POLQ: variants seen among roughly 807,000 people sequenced by gnomAD.
The protein encoded by POLQ is DNA polymerase theta, also known as epididymis secretory sperm binding protein.
Under a neutral mutation model 259.2 loss-of-function variants are expected in POLQ, and 233 were observed. That is an observed-to-expected ratio of 0.90 (90% CI 0.81 to 1.00). The LOEUF (loss-of-function observed/expected upper bound fraction) is 1.00. POLQ is among the 50% of genes least tolerant of loss of function. The pLI is 0.00. For synonymous variants in POLQ, 1,025 were observed against 1,048.8 expected, an observed-to-expected ratio of 0.98 and a Z score of 0.44; for missense variants, 2,871 against 3,051.6, an observed-to-expected ratio of 0.94 and a Z score of 1.39.
chr3:121,450,513 TC>T (rs369953367), intron 25 of POLQ, among the ~76,000 whole-genome samples: 4 of 114,020 alleles, frequency 3.5e-5, no homozygotes, highest in South Asian at 3.6e-4. Context: ...ATGCTATCCC[TC>T]CCCCCTCCCC....
At position 121,529,659 on chromosome 3, in the gene POLQ, T is replaced by C; in HGVS notation, c.1094A>G (p.His365Arg). ...CCATAACTCACCCTCAGCTTGATGA[T>C]GTAGATTATAAAACTCTCGAGCAAT... ...DIIAREFYNLHHQAEGLVKPS... is the reference protein window; with the variant it reads ...DIIAREFYNLRHQAEGLVKPS... Residue 365 changes from histidine (H) to arginine (R), a missense_variant, in exon 7 of 30, where the codon CAT becomes CGT. Coordinates refer to ENST00000264233, the MANE Select transcript of POLQ (RefSeq NM_199420.4). 1.2e-6 allele frequency: 2 copies of C among 1,613,588 alleles called. No individual in the cohort carries two copies. Among genetic ancestry groups the C allele is most frequent in the East Asian group, 2.2e-5 (1 of 44,832 alleles).
At chr3:121,461,828 T>G (rs181729607) in intron 24 of POLQ, among the ~76,000 whole-genome samples, 123 of 152,284 alleles carry the variant, frequency 8.1e-4, no homozygotes, top group Non-Finnish European at 1.4e-3. Flanking sequence ...TGTAGTAATC[T>G]ATAAGAATTG....
intron 5 of POLQ, among the ~76,000 whole-genome samples, chr3:121,536,483 A>T (rs2048451909): frequency 6.6e-6 from 1 of 152,108 alleles, no homozygotes; most frequent in Admixed American, 6.6e-5. Context: ...AAAAAATAAT[A>T]TTTTTTTCAA....
intron 25 of POLQ, among the ~76,000 whole-genome samples, chr3:121,452,331 G>T (rs1246912441): frequency 1.3e-5 from 2 of 152,186 alleles, no homozygotes; most frequent in Non-Finnish European, 2.9e-5. Flanking sequence ...TACCTCAGTT[G>T]GAAATGCAGA....
chr3:121,433,050 G>T lies in POLQ; in HGVS notation c.7544-17C>A, dbSNP rs778237214. The T allele has an allele frequency of 1.2e-5, 16 of 1,325,750 alleles. No individual in the cohort carries two copies. In the South Asian group the frequency reaches 1.9e-4, roughly 16 times the overall value. 82.1% of individuals were successfully genotyped at this position (1,325,750 alleles called of 1,614,324 possible). ...GTGACAATCCTACTTCATGAAAAAGGAGCAAAACTGATCAGCATGTCGCTA... is the reference window on the plus strand; with the variant it reads ...GTGACAATCCTACTTCATGAAAAAGTAGCAAAACTGATCAGCATGTCGCTA... On this transcript the variant is annotated splice_polypyrimidine_tract_variant and intron_variant, in intron 28 of 29. Transcript: ENST00000264233.
chr3:121,439,959 T>C, intron 27 of POLQ, 33 bp downstream of exon 27: 1 of 1,579,876 alleles, frequency 6.3e-7, no homozygotes, highest in Non-Finnish European at 8.7e-7. Context: ...CATTGAAATG[T>C]TAAGTTAAAA....
chr3:121,511,278 G>A (rs2048253713), intron 10 of POLQ, among the ~76,000 whole-genome samples: 1 of 146,556 alleles, frequency 6.8e-6, no homozygotes, highest in African/African-American at 2.5e-5. Context: ...GGCACCTGTA[G>A]TCCCAGCTAC....
rs762118984 is a variant in POLQ at position 121,545,759 on chromosome 3, C to G, written c.119G>C (p.Ser40Thr). 83 of 1,601,212 alleles carry G rather than the reference C, an allele frequency of 5.2e-5. 1 individual carries two copies. The highest frequency in any genetic ancestry group is 4.3e-4 in the East Asian group (19 of 44,476). Residue 40 changes from serine to threonine, a missense_variant, in exon 1 of 30, where the codon AGC becomes ACC. By Grantham distance (58) the Ser-to-Thr change is moderately conservative. Coordinates refer to ENST00000264233, the MANE Select transcript of POLQ (RefSeq NM_199420.4). ...GCAGCGACCAAGGCCGGGCGGCGGG[C>G]TCAGCACGGACCCGGAGAGGAACTG... The part of the protein sequence containing the change: ...SPQFLSGSVL[S>T]PPPGLGRCLK...
At chr3:121,495,294 C>T in intron 14 of POLQ, among the ~76,000 whole-genome samples, 1 of 151,912 alleles carries the variant, frequency 6.6e-6, no homozygotes, top group East Asian at 1.9e-4. Flanking sequence ...GTAAGGGACT[C>T]TTTCCACCTA....
At chr3:121,544,669 G>T in intron 2 of POLQ, 58 bp downstream of exon 2, 1 of 1,123,998 alleles carries the variant, frequency 8.9e-7, no homozygotes. Flanking sequence ...TACCTCAATA[G>T]AGTATTCTTT....
rs904244891 is a variant in POLQ at position 121,490,227 on chromosome 3, C to T, written c.2704G>A (p.Ala902Thr). Residue 902 changes from alanine (A) to threonine (T), a missense_variant, in exon 16 of 30, where the codon GCC becomes ACC. By Grantham distance (58) the Ala-to-Thr change is moderately conservative. Coordinates refer to ENST00000264233, the MANE Select transcript of POLQ (RefSeq NM_199420.4). The part of the protein sequence containing the change: ...VEMGVQWNPC[A>T]LLHSSTCSLT... ...GAGCATGTACTAGAATGTAACAGGGCACATGGATTCCATTGCACTCCCATT... is the reference window on the plus strand; with the variant it reads ...GAGCATGTACTAGAATGTAACAGGGTACATGGATTCCATTGCACTCCCATT... The T allele has an allele frequency of 4.3e-6, 7 of 1,614,086 alleles. No individual in the cohort carries two copies. The highest frequency in any genetic ancestry group is 4.5e-5 in the East Asian group (2 of 44,880).
At chr3:121,503,074 T>C (rs529124782) in intron 12 of POLQ, among the ~76,000 whole-genome samples, 1 of 152,210 alleles carries the variant, frequency 6.6e-6, no homozygotes, top group Non-Finnish European at 1.5e-5. Context: ...ATAATGGAGC[T>C]GAAAAATTAA....
intron 24 of POLQ, among the ~76,000 whole-genome samples, chr3:121,465,367 C>T (rs893387305): frequency 6.6e-6 from 1 of 152,198 alleles, no homozygotes; most frequent in African/African-American, 2.4e-5. Flanking sequence ...GCTGGGATTA[C>T]AGGTGTGAGC....
chr3:121,508,880 G>A (rs2048230649), intron 12 of POLQ, among the ~76,000 whole-genome samples: 1 of 152,110 alleles, frequency 6.6e-6, no homozygotes, highest in African/African-American at 2.4e-5. Context: ...TCAGGTTCTT[G>A]CCAGAGAACA....
At chr3:121,449,846 A>T (rs2047659176) in intron 25 of POLQ, among the ~76,000 whole-genome samples, 1 of 152,154 alleles carries the variant, frequency 6.6e-6, no homozygotes, top group African/African-American at 2.4e-5. Flanking sequence ...GTGTAGAAAG[A>T]GTAGGCTTTG....
intron 2 of POLQ, among the ~76,000 whole-genome samples, chr3:121,544,082 C>T (rs1452080694): frequency 2.0e-5 from 3 of 151,766 alleles, no homozygotes; most frequent in Non-Finnish European, 4.4e-5. Context: ...TAGCTGGGCA[C>T]GGTGACTCAC....
At chr3:121,543,587 G>A (rs750536179) in intron 2 of POLQ, among the ~76,000 whole-genome samples, 11 of 152,030 alleles carry the variant, frequency 7.2e-5, no homozygotes, top group Non-Finnish European at 1.2e-4. Context: ...TCATAATTTC[G>A]GAGAAAACTG....
At chr3:121,469,050 G>T (rs944868750) in intron 22 of POLQ, among the ~76,000 whole-genome samples, 1 of 152,088 alleles carries the variant, frequency 6.6e-6, no homozygotes, top group East Asian at 1.9e-4. Context: ...AGCTGGGCAT[G>T]ATGGCGGGTG....
chr3:121,536,307 AG>A (rs1341462134), intron 5 of POLQ, among the ~76,000 whole-genome samples: 1 of 152,186 alleles, frequency 6.6e-6, no homozygotes, highest in Non-Finnish European at 1.5e-5. Context: ...GGTAGTGGTT[AG>A]TAAAAAATTT....
Sources: allele counts gnomAD v4.1 joint callset (sites outside exome capture counted in the v4.1 genomes callset), GRCh38; gene constraint gnomAD v4.1.1; transcripts MANE v1.5; gene names NCBI Gene and HGNC (gene_info 2026-07-23, HGNC 2026-07-21).